CNTNAP2: variants seen among roughly 807,000 people sequenced by gnomAD.
CNTNAP2 encodes contactin-associated protein-like 2.
A neutral mutation model predicts 155.2 loss-of-function variants in CNTNAP2; 98 were observed. The ratio of observed to expected loss-of-function variants is 0.63; its 90% CI spans 0.54 to 0.75. CNTNAP2 has a LOEUF of 0.75. Among genes scored for constraint, CNTNAP2 ranks in the 30% least tolerant of loss-of-function variants. The probability of loss-of-function intolerance (pLI) is 0.00; values close to 1 mark genes in which losing one functional copy is unlikely to be tolerated. For synonymous variants in CNTNAP2, 651 were observed against 631.2 expected, an observed-to-expected ratio of 1.03 and a Z score of -0.47; for missense variants, 1,727 against 1,688.1, an observed-to-expected ratio of 1.02 and a Z score of -0.40.
chr7:148,394,751 A>G (rs927761406), intron 22 of CNTNAP2, among the ~76,000 whole-genome samples: 1 of 152,224 alleles, frequency 6.6e-6, no homozygotes, highest in Non-Finnish European at 1.5e-5. Context: ...GAGATTCTGC[A>G]TTTCCAACAA....
intron 5 of CNTNAP2, among the ~76,000 whole-genome samples, chr7:147,119,041 G>C (rs1801046345): frequency 6.6e-6 from 1 of 152,022 alleles, no homozygotes; most frequent in Admixed American, 6.5e-5. Flanking sequence ...AAAGAAGGAA[G>C]AGCAGGGGGA....
At chr7:147,033,182 A>G (rs771522013) in intron 3 of CNTNAP2, among the ~76,000 whole-genome samples, 7,596 of 131,192 alleles carry the variant, frequency 0.058, 388 homozygotes, top group Middle Eastern at 0.16. Context: ...ATATATATAT[A>G]TATATATATA....
intron 13 of CNTNAP2, among the ~76,000 whole-genome samples, chr7:147,831,430 T>G (rs1252828886): frequency 6.6e-6 from 1 of 152,196 alleles, no homozygotes; most frequent in Non-Finnish European, 1.5e-5. Flanking sequence ...CATTGTAATA[T>G]TTCTGAAATT....
chr7:148,002,512 T>C (rs934477642), intron 15 of CNTNAP2, among the ~76,000 whole-genome samples: 2 of 152,072 alleles, frequency 1.3e-5, no homozygotes, highest in Non-Finnish European at 2.9e-5. Flanking sequence ...GAATGCCAGA[T>C]TTGGGAACCA....
At chr7:146,848,343 C>G (rs540494344) in intron 3 of CNTNAP2, among the ~76,000 whole-genome samples, 1 of 152,104 alleles carries the variant, frequency 6.6e-6, no homozygotes, top group East Asian at 1.9e-4. Context: ...ACAGATTTAT[C>G]GTGAAAAAAG....
chr7:147,015,576 G>A (rs889574963), intron 3 of CNTNAP2, among the ~76,000 whole-genome samples: 16 of 152,118 alleles, frequency 1.1e-4, no homozygotes, highest in Admixed American at 9.8e-4. Context: ...AGATGCTGTG[G>A]TAATGAGCAG....
intron 1 of CNTNAP2, among the ~76,000 whole-genome samples, chr7:146,475,350 T>G (rs1216230559): frequency 6.6e-6 from 1 of 152,152 alleles, no homozygotes; most frequent in Non-Finnish European, 1.5e-5. Flanking sequence ...GAAATTCAGT[T>G]CAAACATAGA....
At chr7:148,071,229 C>A (rs1803374967) in intron 15 of CNTNAP2, among the ~76,000 whole-genome samples, 1 of 152,140 alleles carries the variant, frequency 6.6e-6, no homozygotes, top group Admixed American at 6.5e-5. Flanking sequence ...GTAATCCCAG[C>A]ACTTTCAGAG....
intron 1 of CNTNAP2, among the ~76,000 whole-genome samples, chr7:146,415,717 A>G (rs921815322): frequency 6.6e-6 from 1 of 152,124 alleles, no homozygotes; most frequent in African/African-American, 2.4e-5. Flanking sequence ...AAAAATTTGC[A>G]ACCAATCAAA....
rs746147361 is a variant in CNTNAP2 at position 147,132,523 on chromosome 7, A to G, written c.1348+14A>G. 1.2e-6 allele frequency: 2 copies of G among 1,613,280 alleles called. No homozygotes were observed. Among genetic ancestry groups the G allele is most frequent in the Admixed American group, 1.7e-5 (1 of 59,886 alleles). ...ATATTTCCTCAGGTCAGTGAAACCTATTTGACATTTGTTCCTGAAACTTAT... is the reference window on the plus strand; with the variant it reads ...ATATTTCCTCAGGTCAGTGAAACCTGTTTGACATTTGTTCCTGAAACTTAT... On this transcript the variant is annotated intron_variant, in intron 8 of 23. Transcript: ENST00000361727.
chr7:147,487,658 C>CT (rs1298379513), intron 11 of CNTNAP2, among the ~76,000 whole-genome samples: 3 of 151,624 alleles, frequency 2.0e-5, no homozygotes, highest in South Asian at 2.1e-4. Flanking sequence ...GCAACTTATT[C>CT]TTTTTTTATA....
At chr7:146,767,809 G>T (rs1802223408) in intron 1 of CNTNAP2, among the ~76,000 whole-genome samples, 1 of 152,070 alleles carries the variant, frequency 6.6e-6, no homozygotes, top group East Asian at 1.9e-4. Flanking sequence ...GGTCAAAACA[G>T]GAAAAGGACT....
intron 3 of CNTNAP2, among the ~76,000 whole-genome samples, chr7:146,991,857 A>G (rs1299535990): frequency 6.6e-6 from 1 of 152,202 alleles, no homozygotes; most frequent in Non-Finnish European, 1.5e-5. Context: ...CATGAAGAAT[A>G]AGTGATTATG....
intron 11 of CNTNAP2, among the ~76,000 whole-genome samples, chr7:147,538,880 C>T (rs1799593896): frequency 6.6e-6 from 1 of 151,946 alleles, no homozygotes; most frequent in African/African-American, 2.4e-5. Context: ...GTAAGATGCT[C>T]CAGGGAGTGT....
At chr7:146,532,291 C>T (rs1054267405) in intron 1 of CNTNAP2, among the ~76,000 whole-genome samples, 2 of 152,032 alleles carry the variant, frequency 1.3e-5, no homozygotes, top group Admixed American at 1.3e-4. Flanking sequence ...TCTCAAAATA[C>T]AGGGATTTCA....
At chr7:147,152,880 C>T (rs567495245) in intron 8 of CNTNAP2, among the ~76,000 whole-genome samples, 9 of 152,060 alleles carry the variant, frequency 5.9e-5, no homozygotes, top group Non-Finnish European at 1.0e-4. Context: ...CAGGATTACA[C>T]GGCTATGCAC....
chr7:146,339,899 G>A (rs1305844809), intron 1 of CNTNAP2, among the ~76,000 whole-genome samples: 1 of 152,114 alleles, frequency 6.6e-6, no homozygotes, highest in African/African-American at 2.4e-5. Flanking sequence ...AGCGGGGCAT[G>A]GTGGCTCACG....
In CNTNAP2 at chr7:147,596,275, A is replaced by T. The variant is rs1255682820; in HGVS notation, c.1897+34018A>T. Among the ~76,000 whole-genome samples the T allele has an allele frequency of 2.0e-5, 3 of 152,094 alleles. No individual in the cohort carries two copies. The East Asian group carries it at 5.8e-4, about 29-fold the overall frequency. On this transcript the variant is annotated intron_variant, in intron 12 of 23. Transcript: ENST00000361727. ...TCTCTTTTACTACCTGCCATATCCA[A>T]CCCACCAATAACTTCTATTTTTTAA...
intron 13 of CNTNAP2, among the ~76,000 whole-genome samples, chr7:147,807,322 C>CAAAAA (rs768465391): frequency 4.3e-4 from 28 of 64,750 alleles, no homozygotes; most frequent in Admixed American, 8.8e-4. Flanking sequence ...GTCCTTGACT[C>CAAAAA]AAAAAAAAAA....
Sources: gnomAD v4.1 joint callset for allele counts (sites outside exome capture counted in the v4.1 genomes callset) on GRCh38, gnomAD v4.1.1 for gene constraint, MANE v1.5 for transcripts, NCBI Gene and HGNC (gene_info 2026-07-23, HGNC 2026-07-21) for gene names.